MAP3K4: variants seen among roughly 807,000 people sequenced by gnomAD.
MAP3K4 encodes the protein MAP three kinase 1.
In MAP3K4, 67 loss-of-function variants were observed where a neutral mutation model predicts 185.6. The ratio of observed to expected loss-of-function variants is 0.36; its 90% CI spans 0.30 to 0.44. The LOEUF (loss-of-function observed/expected upper bound fraction) is 0.44. Ranked by LOEUF, MAP3K4 falls within the 20% of genes least tolerant of loss-of-function variation. The probability of loss-of-function intolerance (pLI) is 1.00; values close to 1 mark genes in which losing one functional copy is unlikely to be tolerated. For missense variants in MAP3K4, 1,551 were observed against 1,995.1 expected (o/e 0.78, Z 4.24); for synonymous variants, 702 against 710.4 (o/e 0.99, Z 0.19).
Position 160,991,900 on chromosome 6 carries a change from C to A in MAP3K4, c.-32C>A, listed in dbSNP as rs1051347718. Reference sequence around the variant, plus strand: ...CCCCGCGCCAGGCTGCAGCTTACTGCCCGCCGCGGCCATGCGGGGCTCCGT... The same window carrying A: ...CCCCGCGCCAGGCTGCAGCTTACTGACCGCCGCGGCCATGCGGGGCTCCGT... On this transcript the variant is annotated 5_prime_UTR_variant, in exon 1 of 27. Coordinates refer to ENST00000392142, the MANE Select transcript of MAP3K4 (RefSeq NM_005922.4). This position sits in a 1 kb window ranked among gnomAD's most constrained non-coding sequence, Gnocchi z 5.7. The A allele has an allele frequency of 2.4e-5, 36 of 1,490,540 alleles. No individual in the cohort carries two copies. The highest frequency in any genetic ancestry group is 2.7e-5 in the Non-Finnish European group (30 of 1,128,892). 92.3% of individuals were successfully genotyped at this position (1,490,540 alleles called of 1,614,324 possible).
chr6:161,077,698 C>G lies in MAP3K4; in HGVS notation c.2098-3183C>G, dbSNP rs1410183797. 6.6e-6 allele frequency among the ~76,000 whole-genome samples: 1 copy of G among 152,130 alleles called. No individual in the cohort carries two copies. Among genetic ancestry groups the G allele is most frequent in the African/African-American group, 2.4e-5 (1 of 41,418 alleles). The stretch of plus-strand genomic sequence containing the variant: ...AAAGGAAACGTAGGCAGTGAAATGG[C>G]AGGACTCGGGTGGATCAAATGTGAA... On this transcript the variant is annotated intron_variant, in intron 5 of 26. Transcript: ENST00000392142. This position sits in a 1 kb window ranked among gnomAD's most constrained non-coding sequence, Gnocchi z 4.3.
rs1784933423 is a variant in MAP3K4 at position 161,071,326 on chromosome 6, G to A, written c.1950+476G>A. Among the ~76,000 whole-genome samples the A allele has an allele frequency of 6.6e-6, 1 of 152,184 alleles. No individual in the cohort carries two copies. The highest frequency in any genetic ancestry group is 1.5e-5 in the Non-Finnish European group (1 of 68,028). On this transcript the variant is annotated intron_variant, in intron 4 of 26. Coordinates refer to ENST00000392142, the MANE Select transcript of MAP3K4 (RefSeq NM_005922.4). This position sits in a 1 kb window ranked among gnomAD's most constrained non-coding sequence, Gnocchi z 4.6. Reference sequence around the variant, plus strand: ...TCATTCTGGGTGGGATCTTACGGATGTTTGATATCCCAGGAGCAGCAGCGG... The same window carrying A: ...TCATTCTGGGTGGGATCTTACGGATATTTGATATCCCAGGAGCAGCAGCGG...
chr6:161,009,940 A>G (rs1213611210), intron 1 of MAP3K4, among the ~76,000 whole-genome samples: 2 of 152,146 alleles, frequency 1.3e-5, no homozygotes, highest in African/African-American at 4.8e-5. Context: ...TGATGGATTG[A>G]TAGGTGCAGC....
intron 1 of MAP3K4, among the ~76,000 whole-genome samples, chr6:161,019,031 A>G (rs1215844552): frequency 6.6e-6 from 1 of 152,262 alleles, no homozygotes; most frequent in Non-Finnish European, 1.5e-5. Context: ...AAAGTGTACC[A>G]GAATACCAGT....
At position 161,093,938 on chromosome 6, in the gene MAP3K4, A is replaced by T. The variant is rs1319111686; in HGVS notation, c.3427+87A>T. 1 of 1,007,274 alleles carries T rather than the reference A, an allele frequency of 9.9e-7. No homozygotes were observed. Among genetic ancestry groups the T allele is most frequent in the South Asian group, 1.4e-5 (1 of 72,484 alleles). 62.4% of individuals were successfully genotyped at this position (1,007,274 alleles called of 1,614,324 possible). A position where few individuals can be genotyped will look rare whatever the true frequency, so the allele number is the denominator to read the frequency against. On this transcript the variant is annotated intron_variant, in intron 15 of 26. Coordinates refer to ENST00000392142, the MANE Select transcript of MAP3K4 (RefSeq NM_005922.4). This position sits in a 1 kb window ranked among gnomAD's most constrained non-coding sequence, Gnocchi z 5.2. ...TGTAATTGCAGTCGTTTAAAATGGT[A>T]TAAGAGGTGTTTTAACAGTATTCAG... is the stretch of plus-strand genomic sequence containing the variant.
intron 15 of MAP3K4, among the ~76,000 whole-genome samples, chr6:161,094,799 A>G (rs1018110693): frequency 2.6e-5 from 4 of 152,246 alleles, no homozygotes; most frequent in Admixed American, 2.6e-4. Context: ...TTTTATATAA[A>G]GCATGCTATT....
rs1785694414 is a variant in MAP3K4, at chr6:161,086,033, A to G, written c.2373-346A>G. Among the ~76,000 whole-genome samples, 1 of 152,364 alleles carries G rather than the reference A, an allele frequency of 6.6e-6. No homozygotes were observed. The highest frequency in any genetic ancestry group is 6.5e-5 in the Admixed American group (1 of 15,300). On this transcript the variant is annotated intron_variant, in intron 7 of 26. Transcript: ENST00000392142. This position sits in a 1 kb window ranked among gnomAD's most constrained non-coding sequence, Gnocchi z 4.8. ...TTAAATATTTCCCAGATCACACTGT[A>G]TAGATTTCTTTTTAGATTACGAGCC... is the stretch of plus-strand genomic sequence containing the variant.
intron 1 of MAP3K4, among the ~76,000 whole-genome samples, chr6:161,028,900 G>C (rs1380588850): frequency 6.6e-6 from 1 of 152,172 alleles, no homozygotes; most frequent in Non-Finnish European, 1.5e-5. Flanking sequence ...TTGATAAATT[G>C]ACTCGTGTAA....
intron 1 of MAP3K4, among the ~76,000 whole-genome samples, chr6:161,024,177 C>T (rs1049540256): frequency 1.3e-4 from 20 of 152,132 alleles, no homozygotes; most frequent in African/African-American, 4.3e-4. Flanking sequence ...CGATATTGCC[C>T]GGGCTGGTGT....
Position 161,034,395 on chromosome 6 carries a change from A to T in MAP3K4, c.289A>T (p.Thr97Ser). ...ACCTCGACAGATGAAACGCATGTCA[A>T]CCAAACATCAGAGGAATAATGTGGG... ...STPRQMKRMS[T>S]KHQRNNVGRP... The change falls in exon 2 of 27, where the codon ACC becomes TCC. Residue 97 changes from threonine to serine, a missense_variant. This residue lies in a region of MAP3K4 where 287 missense variants were observed against 268.8 expected (regional missense o/e 1.07). Coordinates refer to ENST00000392142, the MANE Select transcript of MAP3K4 (RefSeq NM_005922.4). This position sits in a 1 kb window ranked among gnomAD's most constrained non-coding sequence, Gnocchi z 4.4. The T allele has an allele frequency of 6.2e-7, 1 of 1,613,990 alleles. No individual in the cohort carries two copies. Among genetic ancestry groups the T allele is most frequent in the South Asian group, 1.1e-5 (1 of 91,072 alleles).
intron 2 of MAP3K4, among the ~76,000 whole-genome samples, chr6:161,046,749 G>C (rs918717627): frequency 1.3e-5 from 2 of 150,886 alleles, no homozygotes; most frequent in African/African-American, 4.8e-5. Flanking sequence ...ATTTTCATTG[G>C]TGCCTTGGTT....
intron 1 of MAP3K4, among the ~76,000 whole-genome samples, chr6:160,997,748 A>C (rs1314071111): frequency 6.6e-6 from 1 of 152,190 alleles, no homozygotes; most frequent in African/African-American, 2.4e-5. Flanking sequence ...CTCTTGACTC[A>C]AACTACATGG....
intron 1 of MAP3K4, among the ~76,000 whole-genome samples, chr6:161,021,182 T>A (rs1472175596): frequency 6.6e-6 from 1 of 152,244 alleles, no homozygotes. Context: ...TTGTAAGGTT[T>A]TTATAATTCC....
Position 161,049,763 on chromosome 6 carries a change from C to T in MAP3K4, c.1491C>T (p.Leu497=), listed in dbSNP as rs753638997. Residue 497 remains leucine, a synonymous_variant, in exon 3 of 27, where the codon CTC becomes CTT. Transcript: ENST00000392142. The surrounding 1 kb of genome is among the most constrained non-coding windows in gnomAD (Gnocchi z 8.4). The stretch of plus-strand genomic sequence containing the variant: ...GCATATCCAAGAAGCTTGAGAGGCT[C>T]GAATCTGAGGATGATTCTCTTGGCT... ...RDCISKKLER[L]ESEDDSLGWG... is the part of the protein sequence containing the mutation. The T allele has an allele frequency of 4.3e-6, 7 of 1,613,988 alleles. No individual in the cohort carries two copies. Among genetic ancestry groups the T allele is most frequent in the Middle Eastern group, 1.6e-4 (1 of 6,084 alleles).
At chr6:161,035,106 TGAAC>T (rs1562495061) in intron 2 of MAP3K4, among the ~76,000 whole-genome samples, 1 of 152,174 alleles carries the variant, frequency 6.6e-6, no homozygotes, top group Non-Finnish European at 1.5e-5. Context: ...GTAGATGAAT[TGAAC>T]GATACTGCGC....
intron 2 of MAP3K4, among the ~76,000 whole-genome samples, chr6:161,042,512 A>C (rs1783516637): frequency 6.6e-6 from 1 of 152,262 alleles, no homozygotes; most frequent in East Asian, 1.9e-4. Flanking sequence ...CACAGGAGCT[A>C]GCTGCGGTGT....
chr6:161,067,036 C>T lies in MAP3K4; in HGVS notation c.1708-3572C>T, dbSNP rs1784742425. Reference sequence around the variant, plus strand: ...ACAGCGTCTAAAGCCTTTACTTACACATACCTTAAGCTGTTAACCCTGAAT... The same window carrying T: ...ACAGCGTCTAAAGCCTTTACTTACATATACCTTAAGCTGTTAACCCTGAAT... On this transcript the variant is annotated intron_variant, in intron 3 of 26. Coordinates refer to ENST00000392142, the MANE Select transcript of MAP3K4 (RefSeq NM_005922.4). The surrounding 1 kb of genome is among the most constrained non-coding windows in gnomAD (Gnocchi z 6.3). Among the ~76,000 whole-genome samples, 1 of 152,230 alleles carries T rather than the reference C, an allele frequency of 6.6e-6. No homozygotes were observed. Among genetic ancestry groups the T allele is most frequent in the Non-Finnish European group, 1.5e-5 (1 of 68,038 alleles).
intron 3 of MAP3K4, among the ~76,000 whole-genome samples, chr6:161,055,708 G>A (rs1784202104): frequency 1.3e-5 from 2 of 152,194 alleles, no homozygotes; most frequent in Non-Finnish European, 2.9e-5. Context: ...CTGGGGTGAT[G>A]GGGCTTGGGA....
intron 1 of MAP3K4, among the ~76,000 whole-genome samples, chr6:161,020,265 CTTTGTTTGTTTG>C (rs58355990): frequency 1.1e-3 from 170 of 151,590 alleles, no homozygotes; most frequent in African/African-American, 3.9e-3. Flanking sequence ...ATGGACTTTT[CTTTGTTTGTTTG>C]TTTGTTTGTT....
Sources: allele counts gnomAD v4.1 joint callset (sites outside exome capture counted in the v4.1 genomes callset), GRCh38; gene constraint gnomAD v4.1.1; regional missense constraint gnomAD v4.1.1; non-coding constraint Gnocchi (gnomAD v3.1); transcripts MANE v1.5; gene names NCBI Gene and HGNC (gene_info 2026-07-23, HGNC 2026-07-21).